The following SLC26A7 variants were observed in gnomAD, a reference collection of about 807,000 sequenced individuals.
SLC26A7 encodes anion exchange transporter.
In SLC26A7, 59 loss-of-function variants were observed where a neutral mutation model predicts 82.5. That is an observed-to-expected ratio of 0.72 (90% CI 0.58 to 0.89). The LOEUF (loss-of-function observed/expected upper bound fraction) is 0.89, where lower values mean the gene tolerates loss of function less well. SLC26A7 is among the 40% of genes least tolerant of loss of function. The pLI is 0.00. For missense variants in SLC26A7, 820 were observed against 793.0 expected (o/e 1.03, Z -0.41); for synonymous variants, 271 against 274.3 (o/e 0.99, Z 0.12).
intron 11 of SLC26A7, among the ~76,000 whole-genome samples, chr8:91,358,590 A>G (rs1283702069): frequency 6.6e-6 from 1 of 152,094 alleles, no homozygotes; most frequent in Non-Finnish European, 1.5e-5. Flanking sequence ...TTGGCCTCCC[A>G]AAGTGCTGGA....
At chr8:91,295,342 A>T (rs1586375251) in intron 3 of SLC26A7, among the ~76,000 whole-genome samples, 189 bp from the exon 4 acceptor site, 1 of 152,218 alleles carries the variant, frequency 6.6e-6, no homozygotes, top group African/African-American at 2.4e-5. Flanking sequence ...ATAAGCATAT[A>T]TGGAGGTAAG....
intron 2 of SLC26A7, among the ~76,000 whole-genome samples, chr8:91,277,980 C>T (rs1162391805): frequency 6.6e-6 from 1 of 152,108 alleles, no homozygotes; most frequent in East Asian, 1.9e-4. Context: ...ATGCTTGTTA[C>T]AGAGCTGACT....
chr8:91,277,139 T>C (rs1481372589), intron 2 of SLC26A7, among the ~76,000 whole-genome samples: 2 of 152,284 alleles, frequency 1.3e-5, no homozygotes, highest in African/African-American at 2.4e-5. Flanking sequence ...CCTTTACTAA[T>C]GCACCCTCAG....
chr8:91,357,630 A>T (rs2130863418), intron 11 of SLC26A7, among the ~76,000 whole-genome samples: 1 of 152,352 alleles, frequency 6.6e-6, no homozygotes, highest in South Asian at 2.1e-4. Context: ...AAAGACTTAA[A>T]TGTTAGACCT....
At chr8:91,293,535 A>G (rs921355936) in intron 3 of SLC26A7, among the ~76,000 whole-genome samples, 3 of 152,168 alleles carry the variant, frequency 2.0e-5, no homozygotes, top group Admixed American at 6.5e-5. Context: ...GGCGTGGTGG[A>G]TATGCCTGTA....
chr8:91,396,579 T>G lies in SLC26A7; in HGVS notation c.*1482T>G, dbSNP rs1808578498. 1.3e-5 allele frequency: 2 copies of G among 151,958 alleles called. No individual in the cohort carries two copies. Among genetic ancestry groups the G allele is most frequent in the Admixed American group, 6.6e-5 (1 of 15,250 alleles). 9.4% of individuals were successfully genotyped at this position (151,958 alleles called of 1,614,324 possible). A position where few individuals can be genotyped will look rare whatever the true frequency, so the allele number is the denominator to read the frequency against. ...AAAATGAAAGAGAATTAAGAAAGGTTTTGAATTCTTATAACATATCCAGCC... is the reference window on the plus strand; with the variant it reads ...AAAATGAAAGAGAATTAAGAAAGGTGTTGAATTCTTATAACATATCCAGCC... On this transcript the variant is annotated 3_prime_UTR_variant, in exon 19 of 19. Transcript: ENST00000276609.
At chr8:91,336,847 A>T (rs1813258211) in intron 6 of SLC26A7, among the ~76,000 whole-genome samples, 1 of 152,144 alleles carries the variant, frequency 6.6e-6, no homozygotes, top group African/African-American at 2.4e-5. Context: ...TTTCAATAAG[A>T]ATCCAGTATC....
At chr8:91,355,902 G>A (rs527989403) in intron 11 of SLC26A7, among the ~76,000 whole-genome samples, 38 of 151,774 alleles carry the variant, frequency 2.5e-4, no homozygotes, top group Middle Eastern at 3.4e-3. Context: ...AACAGTCCCC[G>A]GAGTGTGATG....
rs1808577819 is a variant in SLC26A7 at position 91,396,559 on chromosome 8, G to T, written c.*1462G>T. Reference sequence around the variant, plus strand: ...CGTAGGTAGGGCAATGTAGTAAAATGAAAGAGAATTAAGAAAGGTTTTGAA... The same window carrying T: ...CGTAGGTAGGGCAATGTAGTAAAATTAAAGAGAATTAAGAAAGGTTTTGAA... On this transcript the variant is annotated 3_prime_UTR_variant, in exon 19 of 19. Transcript: ENST00000276609. 1 of 151,942 alleles carries T rather than the reference G, an allele frequency of 6.6e-6. No individual in the cohort carries two copies. The highest frequency in any genetic ancestry group is 1.5e-5 in the Non-Finnish European group (1 of 67,868). 9.4% of individuals were successfully genotyped at this position (151,942 alleles called of 1,614,324 possible).
intron 6 of SLC26A7, among the ~76,000 whole-genome samples, chr8:91,336,554 A>G (rs1813247991): frequency 6.6e-6 from 1 of 151,820 alleles, no homozygotes; most frequent in South Asian, 2.1e-4. Flanking sequence ...ATTGTCTTCC[A>G]CAAAGCTGAT....
intron 5 of SLC26A7, among the ~76,000 whole-genome samples, chr8:91,330,867 A>C (rs1000875108): frequency 2.6e-5 from 4 of 152,286 alleles, no homozygotes; most frequent in Non-Finnish European, 2.9e-5. Flanking sequence ...TTAGCTTTCT[A>C]GGGCTTTCAA....
chr8:91,378,595 A>T (rs1586471848), intron 15 of SLC26A7, among the ~76,000 whole-genome samples: 1 of 151,750 alleles, frequency 6.6e-6, no homozygotes, highest in East Asian at 1.9e-4. Flanking sequence ...CTTAATTAGG[A>T]CTATCATCTT....
chr8:91,264,995 C>G lies in SLC26A7; in HGVS notation c.193+15151C>G, dbSNP rs79474022. 3.6e-3 allele frequency among the ~76,000 whole-genome samples: 545 copies of G among 152,070 alleles called. 7 individuals carry two copies. The East Asian group carries it at 0.045, about 13-fold the overall frequency. On this transcript the variant is annotated intron_variant, in intron 2 of 18. Coordinates refer to ENST00000276609, the MANE Select transcript of SLC26A7 (RefSeq NM_052832.4). Reference sequence around the variant, plus strand: ...TGAACACCAAAATTTATTCTCCTATCTAACTGTAACTTTGTGCCCATTGGG... The same window carrying G: ...TGAACACCAAAATTTATTCTCCTATGTAACTGTAACTTTGTGCCCATTGGG...
chr8:91,307,451 A>C (rs1393190397), intron 4 of SLC26A7, among the ~76,000 whole-genome samples: 1 of 144,674 alleles, frequency 6.9e-6, no homozygotes, highest in African/African-American at 2.6e-5. Context: ...CATATACACC[A>C]TGGAATACTA....
chr8:91,384,329 C>G (rs1332911859), intron 15 of SLC26A7, among the ~76,000 whole-genome samples: 1 of 152,118 alleles, frequency 6.6e-6, no homozygotes, highest in Non-Finnish European at 1.5e-5. Context: ...CTTCAAATCT[C>G]AGAAGAGATG....
intron 2 of SLC26A7, among the ~76,000 whole-genome samples, chr8:91,278,680 A>T (rs368828412): frequency 5.9e-5 from 9 of 152,114 alleles, no homozygotes; most frequent in Admixed American, 4.6e-4. Context: ...TGATGTTTTG[A>T]TATATGTATG....
At position 91,288,777 on chromosome 8, in the gene SLC26A7, G is replaced by C. The variant is rs372482788; in HGVS notation, c.194-359G>C. 7.9e-5 allele frequency among the ~76,000 whole-genome samples: 12 copies of C among 152,244 alleles called. No homozygotes were observed. In the South Asian group the frequency reaches 1.5e-3, roughly 18 times the overall value. Reference sequence around the variant, plus strand: ...TCGCCTATCTTACAGATGCTATTGTGCACATAAAATTATACATGTGAAATG... The same window carrying C: ...TCGCCTATCTTACAGATGCTATTGTCCACATAAAATTATACATGTGAAATG... On this transcript the variant is annotated intron_variant, in intron 2 of 18. Coordinates refer to ENST00000276609, the MANE Select transcript of SLC26A7 (RefSeq NM_052832.4).
chr8:91,291,519 C>T (rs1472362725), intron 3 of SLC26A7, among the ~76,000 whole-genome samples: 2 of 152,020 alleles, frequency 1.3e-5, no homozygotes, highest in South Asian at 4.1e-4. Flanking sequence ...TTAATACTAA[C>T]CTCTAAAAAC....
intron 1 of SLC26A7, among the ~76,000 whole-genome samples, chr8:91,210,695 GA>G (rs1809897735): frequency 6.6e-6 from 1 of 151,816 alleles, no homozygotes; most frequent in Non-Finnish European, 1.5e-5. Context: ...AATTAAAAGA[GA>G]ATACATTTTT....
Sources: gnomAD v4.1 joint callset for allele counts (sites outside exome capture counted in the v4.1 genomes callset) on GRCh38, gnomAD v4.1.1 for gene constraint, MANE v1.5 for transcripts, NCBI Gene and HGNC (gene_info 2026-07-23, HGNC 2026-07-21) for gene names.